PCDHGA1: variants seen among roughly 807,000 people sequenced by gnomAD.
PCDHGA1 encodes the protein protocadherin gamma-A1.
PCDHGA1 carries 32 observed loss-of-function variants against 58.0 expected under a neutral mutation model. The ratio of observed to expected loss-of-function variants is 0.55; its 90% CI spans 0.42 to 0.74. PCDHGA1 has a LOEUF of 0.74. Among genes scored for constraint, PCDHGA1 ranks in the 30% least tolerant of loss-of-function variants. The probability of loss-of-function intolerance (pLI) is 0.00; values close to 1 mark genes in which losing one functional copy is unlikely to be tolerated. For synonymous variants in PCDHGA1, 498 were observed against 501.1 expected (o/e 0.99, Z 0.08); for missense variants, 1,205 against 1,182.3 (o/e 1.02, Z -0.28).
At chr5:141,389,008 G>A in intron 1 of PCDHGA1, 1 of 1,613,992 alleles carries the variant, frequency 6.2e-7, no homozygotes. Flanking sequence ...AAGGATTCCA[G>A]ACACAATGGA....
At chr5:141,437,187 G>A (rs1055878763) in intron 1 of PCDHGA1, among the ~76,000 whole-genome samples, 1 of 152,148 alleles carries the variant, frequency 6.6e-6, no homozygotes, top group Non-Finnish European at 1.5e-5. Context: ...ACTGGGCAAT[G>A]GGTTTGGATG....
Position 141,332,135 on chromosome 5 carries a change from A to G in PCDHGA1, c.1451A>G (p.Asn484Ser), listed in dbSNP as rs1379222876. The change falls in exon 1 of 4, where the codon AAT (asparagine) becomes AGT (serine). Residue 484 changes from asparagine to serine, a missense_variant. By Grantham distance (46) the Asn-to-Ser change is conservative. Transcript: ENST00000517417. This position sits in a 1 kb window ranked among gnomAD's most constrained non-coding sequence, Gnocchi z 4.6. Reference sequence around the variant, plus strand: ...GCCCACGACTTGGACAGCAATGAGAATGCACAAATCACTTACTCCCTAATA... The same window carrying G: ...GCCCACGACTTGGACAGCAATGAGAGTGCACAAATCACTTACTCCCTAATA... ...VRAHDLDSNE[N>S]AQITYSLIED... 6.2e-7 allele frequency: 1 copy of G among 1,614,176 alleles called. No individual in the cohort carries two copies. The highest frequency in any genetic ancestry group is 8.5e-7 in the Non-Finnish European group (1 of 1,180,030).
At chr5:141,402,737 G>C (rs948478466) in intron 1 of PCDHGA1, among the ~76,000 whole-genome samples, 7 of 152,158 alleles carry the variant, frequency 4.6e-5, no homozygotes, top group African/African-American at 1.4e-4. Flanking sequence ...CGCCGCTGTT[G>C]ATCAACTCTA....
intron 1 of PCDHGA1, among the ~76,000 whole-genome samples, chr5:141,454,032 C>T (rs2098780173): frequency 6.6e-6 from 1 of 152,126 alleles, no homozygotes; most frequent in Non-Finnish European, 1.5e-5. Flanking sequence ...AAGAATTGGC[C>T]AGCAAAGATA....
chr5:141,341,480 A>C (rs775292538), intron 1 of PCDHGA1: 2 of 1,578,700 alleles, frequency 1.3e-6, no homozygotes, highest in African/African-American at 2.7e-5. Context: ...TTTGTTCCCC[A>C]TATTTCCTTG....
chr5:141,348,895 C>A (rs1186372853), intron 1 of PCDHGA1, among the ~76,000 whole-genome samples: 1 of 152,116 alleles, frequency 6.6e-6, no homozygotes, highest in Non-Finnish European at 1.5e-5. Flanking sequence ...TTTGGTAATG[C>A]ATTTGAAATA....
rs1439461935 is a variant in PCDHGA1 at position 141,511,976 on chromosome 5, G to A, written c.*803G>A. ...ATAAGGAAGGGAAGTGTGTGGATGT[G>A]GATGGTGGGGGCATGGACAAAGCTT... is the stretch of plus-strand genomic sequence containing the variant. On this transcript the variant is annotated 3_prime_UTR_variant, in exon 4 of 4. Coordinates refer to ENST00000517417, the MANE Select transcript of PCDHGA1 (RefSeq NM_018912.3). 6.5e-6 allele frequency: 1 copy of A among 153,384 alleles called. No homozygotes were observed. Among genetic ancestry groups the A allele is most frequent in the Non-Finnish European group, 1.5e-5 (1 of 68,664 alleles). 9.5% of individuals were successfully genotyped at this position (153,384 alleles called of 1,614,324 possible).
In PCDHGA1 at chr5:141,510,992, T is replaced by C. The variant is rs879030278; in HGVS notation, c.2615T>C (p.Met872Thr). The change falls in exon 4 of 4, where the codon ATG (methionine) becomes ACG (threonine). Residue 872 changes from methionine to threonine, a missense_variant. By Grantham distance (81) the Met-to-Thr change is moderately conservative. Coordinates refer to ENST00000517417, the MANE Select transcript of PCDHGA1 (RefSeq NM_018912.3). ...SSTLGGGAGT[M>T]GLSARYGPQF... is the part of the protein sequence containing the mutation. ...ACCCTGGGAGGGGGTGCCGGCACCA[T>C]GGGATTGAGCGCCCGCTACGGACCC... The C allele has an allele frequency of 1.9e-6, 3 of 1,614,164 alleles. No individual in the cohort carries two copies. The highest frequency in any genetic ancestry group is 2.5e-6 in the Non-Finnish European group (3 of 1,180,006).
intron 1 of PCDHGA1, chr5:141,392,161 C>T (rs2092476241): frequency 6.6e-6 from 1 of 152,200 alleles, no homozygotes; most frequent in African/African-American, 2.4e-5. Context: ...AAAACAATTT[C>T]TGAGTCAGTC....
intron 1 of PCDHGA1, chr5:141,414,488 C>T (rs755499269): frequency 2.5e-6 from 4 of 1,613,914 alleles, no homozygotes; most frequent in African/African-American, 2.7e-5. Flanking sequence ...CCTCTATCAA[C>T]GGAAGCTCAC....
At chr5:141,450,829 A>T (rs187691791) in intron 1 of PCDHGA1, among the ~76,000 whole-genome samples, 19,077 of 135,014 alleles carry the variant, frequency 0.14, 1,595 homozygotes, top group African/African-American at 0.24. Context: ...TATTATTATT[A>T]TTTTTTTTTT....
intron 1 of PCDHGA1, among the ~76,000 whole-genome samples, chr5:141,353,525 T>C (rs1759307512): frequency 1.3e-5 from 2 of 152,224 alleles, no homozygotes; most frequent in Non-Finnish European, 2.9e-5. Context: ...TCCAATTTTA[T>C]ATTTGCATCA....
At chr5:141,464,978 GT>G in intron 1 of PCDHGA1, among the ~76,000 whole-genome samples, 1 of 152,148 alleles carries the variant, frequency 6.6e-6, no homozygotes, top group East Asian at 1.9e-4. Context: ...CTGGCTTCAA[GT>G]GATCCTCCCA....
intron 1 of PCDHGA1, chr5:141,393,928 A>G: frequency 2.5e-6 from 4 of 1,614,004 alleles, no homozygotes; most frequent in South Asian, 2.2e-5. Flanking sequence ...TTGAGTGTGC[A>G]TGACCAAGAC....
At chr5:141,408,917 C>T (rs549266523) in intron 1 of PCDHGA1, 2 of 1,613,248 alleles carry the variant, frequency 1.2e-6, no homozygotes, top group Non-Finnish European at 8.5e-7. Context: ...CAATGATAAC[C>T]CCCCGGTTTT....
At chr5:141,344,862 G>A (rs1757484373) in intron 1 of PCDHGA1, 1 of 1,613,994 alleles carries the variant, frequency 6.2e-7, no homozygotes, top group Middle Eastern at 1.6e-4. Flanking sequence ...CAATGCTCAA[G>A]TGTCTTATAT....
rs758320936 is a variant in PCDHGA1 at position 141,357,250 on chromosome 5, C to T, written c.2421+24145C>T. 7 of 1,613,742 alleles carry T rather than the reference C, an allele frequency of 4.3e-6. No individual in the cohort carries two copies. In the South Asian group the frequency reaches 6.6e-5, roughly 15 times the overall value. ...GGGCAGCCTCAAGCCTTCAGCAGAC[C>T]CAGACGACTCGGGCCTCACACTCTA... On this transcript the variant is annotated intron_variant, in intron 1 of 3. Coordinates refer to ENST00000517417, the MANE Select transcript of PCDHGA1 (RefSeq NM_018912.3).
chr5:141,396,326 A>T (rs1198474229), intron 1 of PCDHGA1: 3 of 152,326 alleles, frequency 2.0e-5, no homozygotes, highest in Admixed American at 1.3e-4. Context: ...TCTCTAAAAA[A>T]ACTATTATTA....
chr5:141,439,669 A>T (rs983024479), intron 1 of PCDHGA1, among the ~76,000 whole-genome samples: 4 of 152,174 alleles, frequency 2.6e-5, no homozygotes, highest in Non-Finnish European at 5.9e-5. Context: ...ATGGAATGCA[A>T]ATCCAAGAGC....
Sources: gnomAD v4.1 joint callset for allele counts (sites outside exome capture counted in the v4.1 genomes callset) on GRCh38, gnomAD v4.1.1 for gene constraint, Gnocchi (gnomAD v3.1) non-coding constraint, MANE v1.5 for transcripts, NCBI Gene and HGNC (gene_info 2026-07-23, HGNC 2026-07-21) for gene names.